ARMC2: variants seen among roughly 807,000 people sequenced by gnomAD.
ARMC2 encodes the protein armadillo repeat-containing protein 2.
In ARMC2, 67 loss-of-function variants were observed where a neutral mutation model predicts 90.3. The observed-to-expected ratio is 0.74, with a 90% CI of 0.61 to 0.91. ARMC2 has a LOEUF of 0.91. ARMC2 is among the 40% of genes least tolerant of loss of function. The probability of loss-of-function intolerance (pLI) is 0.00; values close to 1 mark genes in which losing one functional copy is unlikely to be tolerated. For synonymous variants in ARMC2, 393 were observed against 393.0 expected (o/e 1.00, Z 0.00); for missense variants, 920 against 1,030.9 (o/e 0.89, Z 1.47).
chr6:108,903,644 TA>T (rs1398763207), intron 7 of ARMC2, among the ~76,000 whole-genome samples: 2 of 152,232 alleles, frequency 1.3e-5, no homozygotes, highest in African/African-American at 4.8e-5. Context: ...CTGGCTCACT[TA>T]GTATGACATC....
At chr6:108,881,931 C>T (rs993377466) in intron 5 of ARMC2, among the ~76,000 whole-genome samples, 3 of 151,956 alleles carry the variant, frequency 2.0e-5, no homozygotes, top group African/African-American at 2.4e-5. Context: ...CCTTATTCAG[C>T]GTTAATAAAT....
intron 3 of ARMC2, among the ~76,000 whole-genome samples, chr6:108,861,318 ATGTT>A (rs991189325): frequency 3.3e-5 from 5 of 152,206 alleles, no homozygotes; most frequent in African/African-American, 9.6e-5. Flanking sequence ...GCTTGTATGT[ATGTT>A]TGTTTTGGAT....
intron 12 of ARMC2, among the ~76,000 whole-genome samples, chr6:108,941,520 A>G (rs1776438109): frequency 1.3e-5 from 2 of 152,240 alleles, no homozygotes; most frequent in African/African-American, 4.8e-5. Flanking sequence ...TCCCTAGGCC[A>G]ACATATTGGT....
intron 5 of ARMC2, among the ~76,000 whole-genome samples, chr6:108,890,565 A>T (rs939238997): frequency 6.2e-5 from 9 of 144,920 alleles, no homozygotes; most frequent in African/African-American, 1.7e-4. Flanking sequence ...ATCTCTATTT[A>T]AAAAAAAAAA....
chr6:108,950,883 T>C (rs1214910472), intron 12 of ARMC2, among the ~76,000 whole-genome samples: 1 of 152,226 alleles, frequency 6.6e-6, no homozygotes, highest in Non-Finnish European at 1.5e-5. Context: ...GATTCTTTCA[T>C]GATAACTCTG....
At chr6:108,979,599 T>C in the ARMC2 span, among the ~76,000 whole-genome samples, 2 of 152,268 alleles carry the variant, frequency 1.3e-5, no homozygotes, top group East Asian at 3.9e-4. Flanking sequence ...TCCAACTCGG[T>C]TCCATTTTCC....
Position 108,886,694 on chromosome 6 carries a change from T to A in ARMC2, c.672-7773T>A, listed in dbSNP as rs1426355782. Among the ~76,000 whole-genome samples the A allele has an allele frequency of 4.6e-5, 7 of 152,206 alleles. No homozygotes were observed. In the South Asian group the frequency reaches 8.3e-4, roughly 18 times the overall value. Reference sequence around the variant, plus strand: ...GCTAATAATGGTTTATACACTTTTTTAAATCATTACATTTTAAATGGTTAC... The same window carrying A: ...GCTAATAATGGTTTATACACTTTTTAAAATCATTACATTTTAAATGGTTAC... On this transcript the variant is annotated intron_variant, in intron 5 of 17. Coordinates refer to ENST00000392644, the MANE Select transcript of ARMC2 (RefSeq NM_032131.6).
At chr6:108,954,265 A>G (rs1420801410) in intron 13 of ARMC2, among the ~76,000 whole-genome samples, 2 of 152,144 alleles carry the variant, frequency 1.3e-5, no homozygotes, top group Non-Finnish European at 2.9e-5. Context: ...TAGGTCTGTC[A>G]TCTCCCACAA....
intron 12 of ARMC2, among the ~76,000 whole-genome samples, chr6:108,938,000 A>G (rs1776104459): frequency 6.6e-6 from 1 of 152,148 alleles, no homozygotes; most frequent in Non-Finnish European, 1.5e-5. Flanking sequence ...GCACCCGGCC[A>G]CAGGCATTAA....
At chr6:108,946,533 C>T (rs1776824252) in intron 12 of ARMC2, among the ~76,000 whole-genome samples, 1 of 152,168 alleles carries the variant, frequency 6.6e-6, no homozygotes, top group Non-Finnish European at 1.5e-5. Flanking sequence ...AAGCCACCTG[C>T]AAGCTCAATT....
At chr6:108,977,939 CA>C (rs1357692872), downstream of ARMC2, among the ~76,000 whole-genome samples, 3 of 151,962 alleles carry the variant, frequency 2.0e-5, no homozygotes, top group African/African-American at 4.8e-5. Context: ...TTGATCTTTT[CA>C]AAAAACCAGC....
At chr6:108,996,954 G>GT in the ARMC2 span, among the ~76,000 whole-genome samples, 1 of 147,078 alleles carries the variant, frequency 6.8e-6, no homozygotes, top group Non-Finnish European at 1.5e-5. Flanking sequence ...GCTACGTACT[G>GT]TATGATTCCA....
At chr6:109,022,747 A>C in the ARMC2 span, among the ~76,000 whole-genome samples, 1 of 152,054 alleles carries the variant, frequency 6.6e-6, no homozygotes, top group African/African-American at 2.4e-5. Flanking sequence ...TAACTCATTT[A>C]ACTATCATAA....
At chr6:109,044,311 C>CAAAAAAAAA in the ARMC2 span, among the ~76,000 whole-genome samples, 16 of 28,458 alleles carry the variant, frequency 5.6e-4, no homozygotes, top group African/African-American at 8.1e-4. Flanking sequence ...GAACTTGCCT[C>CAAAAAAAAA]AAAAAAAAAA....
chr6:108,919,277 A>G (rs528143576), intron 10 of ARMC2, among the ~76,000 whole-genome samples: 52 of 152,344 alleles, frequency 3.4e-4, no homozygotes, highest in African/African-American at 1.2e-3. Flanking sequence ...AGATTAATGC[A>G]TTTGTATTTA....
the ARMC2 span, chr6:108,986,433 CAAAT>C: frequency 6.6e-6 from 1 of 152,518 alleles, no homozygotes. Flanking sequence ...ATTGAGACAG[CAAAT>C]AAAATTGGAG....
At chr6:108,920,010 T>A (rs1440905920) in intron 10 of ARMC2, among the ~76,000 whole-genome samples, 1 of 152,236 alleles carries the variant, frequency 6.6e-6, no homozygotes, top group East Asian at 1.9e-4. Context: ...TGGTGATATC[T>A]TACATAACTA....
At chr6:108,941,069 A>ACTAG (rs1385931987) in intron 12 of ARMC2, among the ~76,000 whole-genome samples, 1 of 152,118 alleles carries the variant, frequency 6.6e-6, no homozygotes, top group Admixed American at 6.5e-5. Flanking sequence ...GCCATTGATC[A>ACTAG]CTAGCTAGCT....
intron 3 of ARMC2, among the ~76,000 whole-genome samples, 153 bp downstream of exon 3, chr6:108,858,424 T>C (rs549628201): frequency 1.5e-4 from 23 of 152,264 alleles, no homozygotes; most frequent in African/African-American, 5.5e-4. Context: ...TTCTTTTATA[T>C]TGTTCAAATG....
Sources: gnomAD v4.1 joint callset for allele counts (sites outside exome capture counted in the v4.1 genomes callset) on GRCh38, gnomAD v4.1.1 for gene constraint, MANE v1.5 for transcripts, NCBI Gene and HGNC (gene_info 2026-07-23, HGNC 2026-07-21) for gene names.